The following ADRA1B variants were observed in gnomAD, a reference collection of about 807,000 sequenced individuals.
ADRA1B encodes adrenoceptor alpha 1B.
In ADRA1B, 17 loss-of-function variants were observed where a neutral mutation model predicts 17.9. That is an observed-to-expected ratio of 0.95 (90% confidence interval 0.65 to 1.42). The LOEUF is 1.42. Among genes scored for constraint, ADRA1B ranks in the 40% most tolerant of loss-of-function variants. The probability of loss-of-function intolerance (pLI) is 0.00; values close to 1 mark genes in which losing one functional copy is unlikely to be tolerated. For synonymous variants in ADRA1B, 366 were observed against 327.6 expected (o/e 1.12, Z -1.27); for missense variants, 681 against 722.1 (o/e 0.94, Z 0.65).
the ADRA1B span, among the ~76,000 whole-genome samples, chr5:159,981,072 G>C: frequency 6.6e-6 from 1 of 152,132 alleles, no homozygotes; most frequent in Non-Finnish European, 1.5e-5. Context: ...TAGGCCAGGG[G>C]CTCTCAAACT....
rs1280266642 is a variant in ADRA1B at position 159,972,757 on chromosome 5, T to C, written c.*265T>C. Reference sequence around the variant, plus strand: ...ACCTCTCTCTCTCCCTCTGTGTATATATAAACGAGTCCCTCTCTACTTGTA... The same window carrying C: ...ACCTCTCTCTCTCCCTCTGTGTATACATAAACGAGTCCCTCTCTACTTGTA... On this transcript the variant is annotated 3_prime_UTR_variant, in exon 2 of 2. Coordinates refer to ENST00000306675, the MANE Select transcript of ADRA1B (RefSeq NM_000679.4). Among the ~76,000 whole-genome samples, 1 of 152,134 alleles carries C rather than the reference T, an allele frequency of 6.6e-6. No individual in the cohort carries two copies. Among genetic ancestry groups the C allele is most frequent in the African/African-American group, 2.4e-5 (1 of 41,450 alleles).
chr5:159,871,553 G>C (rs1753740018), intron 1 of ADRA1B, among the ~76,000 whole-genome samples: 4 of 152,036 alleles, frequency 2.6e-5, no homozygotes, highest in Admixed American at 2.6e-4. Context: ...GTGTCCTTAT[G>C]TCTCAACTCT....
In ADRA1B at chr5:159,939,322, T is replaced by TGCGCGCGC. The variant is rs542707574; in HGVS notation, c.949+21475_949+21482dup. ...GTGTGTGTGTGTGTGTGTGTGTGTG[T>TGCGCGCGC]GCGCGCGCGCGCGCACACAATGCAC... is the stretch of plus-strand genomic sequence containing the variant. On this transcript the variant is annotated intron_variant, in intron 1 of 1. Transcript: ENST00000306675. 1.9e-3 allele frequency among the ~76,000 whole-genome samples: 205 copies of TGCGCGCGC among 107,594 alleles called. 1 individual carries two copies. The highest frequency in any genetic ancestry group is 0.017 in the East Asian group (53 of 3,138). 70.6% of individuals were successfully genotyped at this position (107,594 alleles called of 152,430 possible). A position where few individuals can be genotyped will look rare whatever the true frequency, so the allele number is the denominator to read the frequency against.
rs534759025 is a variant in ADRA1B at position 159,945,908 on chromosome 5, T to C, written c.950-25971T>C. Among the ~76,000 whole-genome samples, 771 of 152,174 alleles carry C rather than the reference T, an allele frequency of 5.1e-3. 4 individuals are homozygous for C. Among genetic ancestry groups the C allele is most frequent in the South Asian group, 0.014 (67 of 4,810 alleles). ...GACTACAGGCGCCCGCCACCATGCCTGGCTAATTTTTTGTATTTTTAGTAG... is the reference window on the plus strand; with the variant it reads ...GACTACAGGCGCCCGCCACCATGCCCGGCTAATTTTTTGTATTTTTAGTAG... On this transcript the variant is annotated intron_variant, in intron 1 of 1. Coordinates refer to ENST00000306675, the MANE Select transcript of ADRA1B (RefSeq NM_000679.4).
chr5:159,983,533 G>A, the ADRA1B span, among the ~76,000 whole-genome samples: 2,578 of 152,270 alleles, frequency 0.017, 62 homozygotes, highest in African/African-American at 0.053. Context: ...AGCCAGACAC[G>A]CTTAAGATAC....
intron 1 of ADRA1B, chr5:159,951,590 C>A (rs561916973): frequency 6.5e-6 from 3 of 458,778 alleles, no homozygotes; most frequent in African/African-American, 6.0e-5. Flanking sequence ...GAATTTAGCA[C>A]GGTCTGGATG....
At chr5:159,944,877 G>T (rs1755225846) in intron 1 of ADRA1B, among the ~76,000 whole-genome samples, 1 of 152,112 alleles carries the variant, frequency 6.6e-6, no homozygotes, top group Non-Finnish European at 1.5e-5. Flanking sequence ...GAAAAAAACA[G>T]GCAAAGCCAC....
At chr5:159,965,724 C>T (rs1466430042) in intron 1 of ADRA1B, among the ~76,000 whole-genome samples, 2 of 152,196 alleles carry the variant, frequency 1.3e-5, no homozygotes, top group Non-Finnish European at 2.9e-5. Flanking sequence ...CCTGGCGGTC[C>T]AGTCCCTGAC....
At chr5:159,926,095 C>A (rs1754639454) in intron 1 of ADRA1B, among the ~76,000 whole-genome samples, 1 of 152,182 alleles carries the variant, frequency 6.6e-6, no homozygotes, top group South Asian at 2.1e-4. Flanking sequence ...TAGTACAGAG[C>A]CTAGCAGAAG....
chr5:159,967,278 C>G (rs1487800827), intron 1 of ADRA1B, among the ~76,000 whole-genome samples: 1 of 152,124 alleles, frequency 6.6e-6, no homozygotes, highest in African/African-American at 2.4e-5. Flanking sequence ...TAGGATTCAG[C>G]CAGACCTGGG....
intron 1 of ADRA1B, chr5:159,947,754 T>C (rs896574617): frequency 1.2e-5 from 12 of 985,348 alleles, no homozygotes; most frequent in Admixed American, 6.1e-5. Flanking sequence ...AAGAAATGAA[T>C]GAGCACAATT....
At chr5:159,929,868 C>T (rs77670862) in intron 1 of ADRA1B, among the ~76,000 whole-genome samples, 4,012 of 152,102 alleles carry the variant, frequency 0.026, 80 homozygotes, top group Non-Finnish European at 0.036. Context: ...CCAAAATAGT[C>T]TATTTATTTG....
chr5:159,930,259 G>A (rs1754763566), intron 1 of ADRA1B, among the ~76,000 whole-genome samples: 1 of 152,242 alleles, frequency 6.6e-6, no homozygotes, highest in Non-Finnish European at 1.5e-5. Flanking sequence ...GGGCAAGGAA[G>A]ATTTGGTATT....
At chr5:159,979,642 C>T in the ADRA1B span, among the ~76,000 whole-genome samples, 2 of 152,068 alleles carry the variant, frequency 1.3e-5, no homozygotes, top group South Asian at 2.1e-4. Flanking sequence ...CCGTGGAGGG[C>T]GGATCACCGG....
intron 1 of ADRA1B, among the ~76,000 whole-genome samples, chr5:159,946,909 C>T (rs184542344): frequency 2.2e-4 from 34 of 152,302 alleles, no homozygotes; most frequent in Non-Finnish European, 5.0e-4. Flanking sequence ...GTCCAGAAGA[C>T]AAGACACTGG....
intron 1 of ADRA1B, among the ~76,000 whole-genome samples, chr5:159,924,012 C>T (rs527397824): frequency 1.3e-5 from 2 of 152,398 alleles, no homozygotes; most frequent in African/African-American, 4.8e-5. Context: ...GTCTATCAAA[C>T]ACCACATTTG....
intron 1 of ADRA1B, among the ~76,000 whole-genome samples, chr5:159,886,447 C>A (rs1229983219): frequency 6.6e-6 from 1 of 152,158 alleles, no homozygotes; most frequent in East Asian, 1.9e-4. Flanking sequence ...AAGCTGTCTG[C>A]TGGGGGCATG....
chr5:159,958,065 T>C (rs1755597757), intron 1 of ADRA1B, among the ~76,000 whole-genome samples: 2 of 152,112 alleles, frequency 1.3e-5, no homozygotes, highest in Admixed American at 6.5e-5. Flanking sequence ...TAAAAATGTC[T>C]AGACAAATTC....
the ADRA1B span, among the ~76,000 whole-genome samples, chr5:159,984,743 CAA>C: frequency 4.1e-4 from 52 of 125,544 alleles, no homozygotes; most frequent in South Asian, 7.6e-4. Context: ...ACTAAAAATA[CAA>C]AAAAAAAAAA....
Sources: gnomAD v4.1 joint callset for allele counts (sites outside exome capture counted in the v4.1 genomes callset) on GRCh38, gnomAD v4.1.1 for gene constraint, MANE v1.5 for transcripts, NCBI Gene and HGNC (gene_info 2026-07-23, HGNC 2026-07-21) for gene names.